IFT140: variants seen among roughly 807,000 people sequenced by gnomAD.
IFT140 encodes intraflagellar transport 140.
In IFT140, 133 loss-of-function variants were observed where a neutral mutation model predicts 164.6. The observed-to-expected ratio is 0.81, with a 90% CI of 0.70 to 0.93. The LOEUF is 0.93. IFT140 is among the 40% of genes least tolerant of loss of function. The pLI is 0.00. For synonymous variants in IFT140, 860 were observed against 817.3 expected (o/e 1.05, Z -0.89); for missense variants, 2,045 against 1,972.3 (o/e 1.04, Z -0.70).
intron 29 of IFT140, among the ~76,000 whole-genome samples, chr16:1,518,688 C>T (rs2040434378): frequency 6.6e-6 from 1 of 151,794 alleles, no homozygotes. Flanking sequence ...TGCATGTGGA[C>T]AGGGTACACG....
At chr16:1,519,368 T>A (rs2040452624) in intron 29 of IFT140, among the ~76,000 whole-genome samples, 1 of 152,164 alleles carries the variant, frequency 6.6e-6, no homozygotes, top group Non-Finnish European at 1.5e-5. Flanking sequence ...CTGCCCATAA[T>A]AAAGATGGGG....
At chr16:1,515,885 A>G (rs1484123475) in intron 30 of IFT140, among the ~76,000 whole-genome samples, 4 of 152,246 alleles carry the variant, frequency 2.6e-5, no homozygotes, top group Admixed American at 2.0e-4. Context: ...TAAGAACACC[A>G]GAAATGACGC....
chr16:1,548,094 C>A (rs1392089740), intron 19 of IFT140, among the ~76,000 whole-genome samples: 1 of 152,260 alleles, frequency 6.6e-6, no homozygotes, highest in Admixed American at 6.5e-5. Flanking sequence ...GCCTCTCGCT[C>A]TTCCCTCCCA....
chr16:1,586,934 T>G (rs77750249), intron 9 of IFT140, among the ~76,000 whole-genome samples: 7,977 of 152,282 alleles, frequency 0.052, 434 homozygotes, highest in Admixed American at 0.17. Context: ...CTTGAACTCC[T>G]GGGCTCAAGT....
At chr16:1,587,088 A>G in intron 9 of IFT140, 110 bp downstream of exon 9, 2 of 742,626 alleles carry the variant, frequency 2.7e-6, no homozygotes, top group South Asian at 1.6e-5. Context: ...GTGAGTTACC[A>G]AGTTACCATT....
rs754240716 is a variant in IFT140 at position 1,524,615 on chromosome 16, G to A, written c.3078C>T (p.Val1026=). The A allele has an allele frequency of 1.6e-5, 26 of 1,604,452 alleles. No homozygotes were observed. Among genetic ancestry groups the A allele is most frequent in the South Asian group, 1.4e-4 (13 of 90,572 alleles). Residue 1026 remains valine (V), a synonymous_variant, in exon 24 of 31, where the codon GTC becomes GTT. Coordinates refer to ENST00000426508, the MANE Select transcript of IFT140 (RefSeq NM_014714.4). The part of the protein sequence containing the change: ...LARQYESQEE[V]GQAVHFYTRA... Reference sequence around the variant, plus strand: ...GGGTGTAGAAGTGCACCGCCTGCCCGACCTCCTCCTGGCTCTCGTACTGGC... The same window carrying A: ...GGGTGTAGAAGTGCACCGCCTGCCCAACCTCCTCCTGGCTCTCGTACTGGC...
At chr16:1,593,804 G>A (rs747885874) in intron 4 of IFT140, among the ~76,000 whole-genome samples, 1 of 152,166 alleles carries the variant, frequency 6.6e-6, no homozygotes, top group Non-Finnish European at 1.5e-5. Context: ...GGTTGTGCTT[G>A]TGGGGTCTCT....
At chr16:1,554,654 C>G in intron 19 of IFT140, 1 of 1,379,920 alleles carries the variant, frequency 7.2e-7, no homozygotes, top group Non-Finnish European at 9.8e-7. Context: ...AGGCTGGAAC[C>G]CGCTCTAGGA....
chr16:1,518,988 C>G (rs1230434676), intron 29 of IFT140, among the ~76,000 whole-genome samples: 1 of 152,168 alleles, frequency 6.6e-6, no homozygotes, highest in Non-Finnish European at 1.5e-5. Flanking sequence ...GGCCTGCCCT[C>G]TGACCCCTGG....
intron 1 of IFT140, among the ~76,000 whole-genome samples, chr16:1,611,711 G>T (rs1319029326): frequency 1.3e-5 from 2 of 151,112 alleles, no homozygotes; most frequent in Non-Finnish European, 3.0e-5. Flanking sequence ...CTACTCGGGA[G>T]GCTGAGGCAG....
intron 13 of IFT140, among the ~76,000 whole-genome samples, chr16:1,573,934 G>A (rs567828967): frequency 7.9e-5 from 12 of 152,260 alleles, no homozygotes; most frequent in African/African-American, 2.4e-4. Flanking sequence ...CAGGGATCAG[G>A]CCCCCAGAGA....
chr16:1,583,250 A>C (rs2034673291), intron 12 of IFT140, 64 bp downstream of exon 12: 1 of 1,401,346 alleles, frequency 7.1e-7, no homozygotes, highest in African/African-American at 1.4e-5. Context: ...TGGCCCTCTC[A>C]TTAGGCAGGG....
At position 1,523,587 on chromosome 16, in the gene IFT140, G is replaced by GACTGTGCTCCGAAGAAGT. The variant is rs1264838803; in HGVS notation, c.3383_3384insACTTCTTCGGAGCACAGT (p.Arg1128_Cys1129insLeuLeuArgSerThrVal). ...TGTGCTCGATGAAGAAGTCGGAGCA[G>GACTGTGCTCCGAAGAAGT]CGGGCCAGGAGCGCAGGGTCTGACG... On this transcript the variant is annotated inframe_insertion, in exon 26 of 31. Transcript: ENST00000426508. 1.9e-6 allele frequency: 3 copies of GACTGTGCTCCGAAGAAGT among 1,613,740 alleles called. No homozygotes were observed. Among genetic ancestry groups the GACTGTGCTCCGAAGAAGT allele is most frequent in the Non-Finnish European group, 2.5e-6 (3 of 1,180,022 alleles).
At chr16:1,526,144 A>G in intron 20 of IFT140, 67 bp from the exon 21 acceptor site, 1 of 1,416,812 alleles carries the variant, frequency 7.1e-7, no homozygotes, top group African/African-American at 1.4e-5. Flanking sequence ...ACACTGTTCC[A>G]CGCCAGGCCA....
chr16:1,516,183 A>C (rs1221865148), intron 30 of IFT140, among the ~76,000 whole-genome samples: 1 of 146,980 alleles, frequency 6.8e-6, no homozygotes, highest in Non-Finnish European at 1.5e-5. Flanking sequence ...AAAAAACACC[A>C]GAAATGGATG....
At chr16:1,586,081 C>A in intron 10 of IFT140, 49 bp downstream of exon 10, 1 of 1,603,004 alleles carries the variant, frequency 6.2e-7, no homozygotes, top group Non-Finnish European at 8.5e-7. Context: ...ATGGTCTCCA[C>A]TTTCATGCAG....
chr16:1,523,632 T>C lies in IFT140; in HGVS notation c.3339A>G (p.Ile1113Met). Reference sequence around the variant, plus strand: ...CTGACGTCTCATCCAGGTCCTCTGCTATGAGCTGTAGGGCCACAAACTGCT... The same window carrying C: ...CTGACGTCTCATCCAGGTCCTCTGCCATGAGCTGTAGGGCCACAAACTGCT... ...ATQQFVALQLIAEDLDETSDP... is the reference protein window; with the variant it reads ...ATQQFVALQLMAEDLDETSDP... Residue 1113 changes from isoleucine to methionine, a missense_variant, in exon 26 of 31, where the codon ATA becomes ATG. Transcript: ENST00000426508. The C allele has an allele frequency of 6.2e-7, 1 of 1,613,960 alleles. No individual in the cohort carries two copies. The highest frequency in any genetic ancestry group is 1.1e-5 in the South Asian group (1 of 91,088).
At chr16:1,540,966 T>C in intron 19 of IFT140, 1 of 985,430 alleles carries the variant, frequency 1.0e-6, no homozygotes, top group Non-Finnish European at 1.2e-6. Flanking sequence ...GGGAACACAC[T>C]GCTTCACCAC....
chr16:1,555,005 C>G, intron 19 of IFT140: 1 of 1,612,244 alleles, frequency 6.2e-7, no homozygotes, highest in Non-Finnish European at 8.5e-7. Context: ...TGGACAATGA[C>G]TACGTGGAGT....
Sources: allele counts gnomAD v4.1 joint callset (sites outside exome capture counted in the v4.1 genomes callset), GRCh38; gene constraint gnomAD v4.1.1; transcripts MANE v1.5; gene names NCBI Gene and HGNC (gene_info 2026-07-23, HGNC 2026-07-21).